The following PCDHGA3 variants were observed in gnomAD, a reference collection of about 807,000 sequenced individuals.
PCDHGA3 encodes the protein protocadherin gamma-A3.
Under a neutral mutation model 58.5 loss-of-function variants are expected in PCDHGA3, and 40 were observed. The observed-to-expected ratio is 0.68, with a 90% CI of 0.53 to 0.89. PCDHGA3 has a LOEUF of 0.89. Ranked by LOEUF, PCDHGA3 falls within the 40% of genes least tolerant of loss-of-function variation. The pLI is 0.00. For missense variants in PCDHGA3, 1,223 were observed against 1,195.9 expected (o/e 1.02, Z -0.33); for synonymous variants, 530 against 525.7 (o/e 1.01, Z -0.11).
chr5:141,344,836 A>G lies in PCDHGA3; in HGVS notation c.803A>G (p.Asp268Gly), dbSNP rs1757480684. 6.2e-7 allele frequency: 1 copy of G among 1,613,768 alleles called. No individual in the cohort carries two copies. Among genetic ancestry groups the G allele is most frequent in the African/African-American group, 1.3e-5 (1 of 74,886 alleles). Residue 268 changes from aspartate to glycine, a missense_variant, in exon 1 of 4, where the codon GAC (aspartate) becomes GGC (glycine). Coordinates refer to ENST00000253812, the MANE Select transcript of PCDHGA3 (RefSeq NM_018916.4). ...GTRLLTVNATDPDEGFNAQVS... is the reference protein window; with the variant it reads ...GTRLLTVNATGPDEGFNAQVS... Reference sequence around the variant, plus strand: ...CGGCTGCTCACGGTGAATGCCACTGACCCTGACGAGGGATTCAATGCTCAA... The same window carrying G: ...CGGCTGCTCACGGTGAATGCCACTGGCCCTGACGAGGGATTCAATGCTCAA...
intron 1 of PCDHGA3, among the ~76,000 whole-genome samples, chr5:141,381,823 C>CTTTCTTTCT (rs1777506241): frequency 9.8e-6 from 1 of 101,610 alleles, no homozygotes; most frequent in African/African-American, 4.3e-5. Context: ...TTTCTTTCTT[C>CTTTCTTTCT]TTCTTTTTTT....
chr5:141,399,084 T>C (rs752476131), intron 1 of PCDHGA3: 2 of 1,613,796 alleles, frequency 1.2e-6, no homozygotes, highest in South Asian at 1.1e-5. Context: ...AAGGGAGGGA[T>C]GGTGGTGGAC....
chr5:141,367,651 T>C (rs1205375044), intron 1 of PCDHGA3: 1 of 152,174 alleles, frequency 6.6e-6, no homozygotes, highest in Non-Finnish European at 1.5e-5. Context: ...TTAAGCCATG[T>C]AGTTATTGGA....
At chr5:141,438,210 A>G (rs1228726792) in intron 1 of PCDHGA3, among the ~76,000 whole-genome samples, 2 of 152,188 alleles carry the variant, frequency 1.3e-5, no homozygotes, top group Non-Finnish European at 2.9e-5. Flanking sequence ...ACCATATGGG[A>G]AGGGCTCTGG....
intron 1 of PCDHGA3, chr5:141,419,146 GCCT>G: frequency 6.2e-7 from 1 of 1,613,922 alleles, no homozygotes; most frequent in East Asian, 2.2e-5. Context: ...ACAGGGGCAA[GCCT>G]CCGTTATCCT....
chr5:141,505,681 G>A (rs113733387), intron 3 of PCDHGA3, among the ~76,000 whole-genome samples, 200 bp downstream of exon 3: 92 of 152,324 alleles, frequency 6.0e-4, no homozygotes, highest in African/African-American at 2.1e-3. Flanking sequence ...GGGGTCCTGG[G>A]ATGCCTGGAG....
chr5:141,436,781 A>C (rs1041532929), intron 1 of PCDHGA3, among the ~76,000 whole-genome samples: 1 of 152,236 alleles, frequency 6.6e-6, no homozygotes, highest in Admixed American at 6.5e-5. Flanking sequence ...TGTGGATGGA[A>C]ATAAAACTGT....
intron 1 of PCDHGA3, among the ~76,000 whole-genome samples, chr5:141,437,929 G>A (rs1479763331): frequency 6.6e-6 from 1 of 151,960 alleles, no homozygotes; most frequent in East Asian, 1.9e-4. Context: ...GTAGAGATGG[G>A]GTTTCACCAT....
At chr5:141,409,876 C>G in intron 1 of PCDHGA3, 1 of 1,612,874 alleles carries the variant, frequency 6.2e-7, no homozygotes, top group East Asian at 2.2e-5. Flanking sequence ...GCAATGACAA[C>G]GCACCGCGGG....
chr5:141,402,616 A>G (rs974813396), intron 1 of PCDHGA3, among the ~76,000 whole-genome samples: 1 of 152,256 alleles, frequency 6.6e-6, no homozygotes, highest in African/African-American at 2.4e-5. Flanking sequence ...AAATGCAAGA[A>G]ACAATTGGAG....
intron 1 of PCDHGA3, among the ~76,000 whole-genome samples, chr5:141,456,919 C>T (rs2098898169): frequency 1.3e-5 from 2 of 152,124 alleles, no homozygotes; most frequent in South Asian, 4.1e-4. Context: ...GCCGAGATCG[C>T]ACCACTGCAC....
intron 2 of PCDHGA3, among the ~76,000 whole-genome samples, chr5:141,497,553 T>G (rs2099777684): frequency 6.6e-6 from 1 of 151,326 alleles, no homozygotes; most frequent in Non-Finnish European, 1.5e-5. Flanking sequence ...TTTTTTTTTT[T>G]TTTTTAGACA....
At chr5:141,349,482 C>G (rs1289777115) in intron 1 of PCDHGA3, among the ~76,000 whole-genome samples, 1 of 152,096 alleles carries the variant, frequency 6.6e-6, no homozygotes, top group Non-Finnish European at 1.5e-5. Context: ...TAAATTGGCC[C>G]TTTTAACAAA....
chr5:141,410,746 C>A (rs1489353130), intron 1 of PCDHGA3: 28 of 1,269,804 alleles, frequency 2.2e-5, no homozygotes, highest in Non-Finnish European at 2.7e-5. Flanking sequence ...ACAATATTTT[C>A]TCAATGTTTT....
Position 141,489,338 on chromosome 5 carries a change from A to T in PCDHGA3, c.2425-5469A>T, listed in dbSNP as rs1303176012. 1 of 1,608,414 alleles carries T rather than the reference A, an allele frequency of 6.2e-7. No homozygotes were observed. Among genetic ancestry groups the T allele is most frequent in the South Asian group, 1.1e-5 (1 of 90,478 alleles). ...GGCTGGGTGTCTGGGCAGCTTCGTTACTCAGTGGTGGAGGAGTCTGAGCCG... is the reference window on the plus strand; with the variant it reads ...GGCTGGGTGTCTGGGCAGCTTCGTTTCTCAGTGGTGGAGGAGTCTGAGCCG... On this transcript the variant is annotated intron_variant, in intron 1 of 3. Coordinates refer to ENST00000253812, the MANE Select transcript of PCDHGA3 (RefSeq NM_018916.4). This position sits in a 1 kb window ranked among gnomAD's most constrained non-coding sequence, Gnocchi z 4.5.
intron 1 of PCDHGA3, among the ~76,000 whole-genome samples, chr5:141,488,969 CCAAT>C (rs1303368467): frequency 4.6e-5 from 7 of 152,106 alleles, no homozygotes; most frequent in Non-Finnish European, 7.4e-5. Context: ...GACTTTTTGG[CCAAT>C]CAGACTCAGA....
intron 1 of PCDHGA3, among the ~76,000 whole-genome samples, chr5:141,454,796 ATTTTTTTTTTT>A (rs61612330): frequency 0.01 from 775 of 77,498 alleles, 10 homozygotes; most frequent in African/African-American, 0.043. Context: ...CATGGTTCTA[ATTTTTTTTTTT>A]TTTTTTTTTT....
chr5:141,465,429 A>G (rs1191638112), intron 1 of PCDHGA3, among the ~76,000 whole-genome samples: 2 of 152,316 alleles, frequency 1.3e-5, no homozygotes, highest in East Asian at 3.9e-4. Context: ...AAAGGTGGGC[A>G]CTTAATGATT....
rs150670410 is a variant in PCDHGA3 at position 141,349,555 on chromosome 5, C to T, written c.2424+3098C>T. 1.8e-3 allele frequency among the ~76,000 whole-genome samples: 269 copies of T among 152,056 alleles called. 1 individual carries two copies. Among genetic ancestry groups the T allele is most frequent in the African/African-American group, 5.0e-3 (206 of 41,486 alleles). On this transcript the variant is annotated intron_variant, in intron 1 of 3. Coordinates refer to ENST00000253812, the MANE Select transcript of PCDHGA3 (RefSeq NM_018916.4). Reference sequence around the variant, plus strand: ...TATATTTTATAAAGAAGAGAAATAACATAATAGTAAGGCTGTGATTTCCTC... The same window carrying T: ...TATATTTTATAAAGAAGAGAAATAATATAATAGTAAGGCTGTGATTTCCTC...
Sources: allele counts gnomAD v4.1 joint callset (sites outside exome capture counted in the v4.1 genomes callset), GRCh38; gene constraint gnomAD v4.1.1; non-coding constraint Gnocchi (gnomAD v3.1); transcripts MANE v1.5; gene names NCBI Gene and HGNC (gene_info 2026-07-23, HGNC 2026-07-21).